The following HECW1 variants were observed in gnomAD, a reference collection of about 807,000 sequenced individuals.
The protein encoded by HECW1 is HECT, C2 and WW domain containing E3 ubiquitin protein ligase 1.
HECW1 carries 61 observed loss-of-function variants against 182.3 expected under a neutral mutation model. That is an observed-to-expected ratio of 0.33 (90% CI 0.27 to 0.41). The LOEUF is 0.41. Ranked by LOEUF, HECW1 falls within the 10% of genes least tolerant of loss-of-function variation. The pLI, the probability that HECW1 is intolerant of heterozygous loss-of-function variation, is 1.00. For missense variants in HECW1, 1,739 were observed against 2,108.9 expected (o/e 0.82, Z 3.44); for synonymous variants, 859 against 832.6 (o/e 1.03, Z -0.55).
chr7:43,287,653 T>A (rs1035986155), intron 3 of HECW1, among the ~76,000 whole-genome samples: 13 of 151,832 alleles, frequency 8.6e-5, no homozygotes, highest in Admixed American at 6.6e-4. Flanking sequence ...TTAGGTTTTT[T>A]AAAGGTTTCT....
chr7:43,113,223 C>T (rs1271847826), intron 1 of HECW1, among the ~76,000 whole-genome samples: 1 of 152,066 alleles, frequency 6.6e-6, no homozygotes, highest in Admixed American at 6.5e-5. Context: ...AGCCCCCAAG[C>T]GGGTTCGCAG....
chr7:43,217,686 G>A (rs1290691276), intron 2 of HECW1, among the ~76,000 whole-genome samples: 2 of 152,164 alleles, frequency 1.3e-5, no homozygotes, highest in Non-Finnish European at 2.9e-5. Flanking sequence ...GAGGGGCTTA[G>A]GCATCACTCC....
rs573331397 is a variant in HECW1, at chr7:43,327,543, C to G, written c.460+6801C>G. ...TTTCACCACACAATTAATTCCCCTC[C>G]CTGCTGTCCCTACCACCTAAACTTC... On this transcript the variant is annotated intron_variant, in intron 5 of 29. Coordinates refer to ENST00000395891, the MANE Select transcript of HECW1 (RefSeq NM_015052.5). Among the ~76,000 whole-genome samples, 6 of 152,298 alleles carry G rather than the reference C, an allele frequency of 3.9e-5. No individual in the cohort carries two copies. In the East Asian group the frequency reaches 1.2e-3, roughly 29 times the overall value.
intron 2 of HECW1, among the ~76,000 whole-genome samples, chr7:43,169,690 C>CTT (rs374141328): frequency 0.074 from 8,343 of 113,320 alleles, 364 homozygotes; most frequent in African/African-American, 0.13. Flanking sequence ...TTTTTCTTTT[C>CTT]TTTTTTTTTT....
chr7:43,535,516 C>T (rs2081148301), intron 24 of HECW1, among the ~76,000 whole-genome samples: 1 of 152,096 alleles, frequency 6.6e-6, no homozygotes. Flanking sequence ...AGTCCCAGTG[C>T]ACACTGGGTC....
intron 3 of HECW1, among the ~76,000 whole-genome samples, chr7:43,280,370 A>G (rs530201818): frequency 6.6e-6 from 1 of 152,314 alleles, no homozygotes; most frequent in Admixed American, 6.5e-5. Flanking sequence ...GATTTGGTCC[A>G]AATTTACTCT....
At chr7:43,319,260 G>A (rs891006570) in intron 4 of HECW1, among the ~76,000 whole-genome samples, 9 of 151,220 alleles carry the variant, frequency 6.0e-5, no homozygotes, top group East Asian at 5.9e-4. Flanking sequence ...GGTGGCGGGC[G>A]CCTGTAGTCC....
intron 5 of HECW1, among the ~76,000 whole-genome samples, chr7:43,335,695 CTTCCTTCCTTTCCT>C (rs1812033356): frequency 6.6e-6 from 1 of 152,046 alleles, no homozygotes; most frequent in Admixed American, 6.6e-5. Flanking sequence ...TTTTTCCTTC[CTTCCTTCCTTTCCT>C]TTCCTTCCTT....
At chr7:43,493,601 C>A (rs1176457795) in intron 19 of HECW1, among the ~76,000 whole-genome samples, 1 of 152,204 alleles carries the variant, frequency 6.6e-6, no homozygotes, top group Admixed American at 6.5e-5. Flanking sequence ...TGTGTTCTAA[C>A]TACTTACATC....
intron 8 of HECW1, among the ~76,000 whole-genome samples, chr7:43,434,187 A>G (rs1022099376): frequency 2.6e-5 from 4 of 152,250 alleles, no homozygotes; most frequent in Admixed American, 6.5e-5. Flanking sequence ...AAATAGGCCT[A>G]CAGATTACTA....
intron 6 of HECW1, among the ~76,000 whole-genome samples, chr7:43,376,304 C>T (rs1408789968): frequency 6.6e-6 from 1 of 152,062 alleles, no homozygotes; most frequent in Non-Finnish European, 1.5e-5. Flanking sequence ...CCCAACGAGC[C>T]TCAGGAACCT....
intron 23 of HECW1, 140 bp downstream of exon 23, chr7:43,508,271 G>A (rs1047242557): frequency 8.6e-6 from 5 of 581,200 alleles, no homozygotes; most frequent in African/African-American, 1.9e-5. Flanking sequence ...TCTCCCAGGA[G>A]GTCCTTCTTT....
At chr7:43,474,428 G>C (rs185980801) in intron 16 of HECW1, among the ~76,000 whole-genome samples, 1 of 152,094 alleles carries the variant, frequency 6.6e-6, no homozygotes, top group Non-Finnish European at 1.5e-5. Flanking sequence ...CAGCCTGAGC[G>C]ACAGAGCGAG....
intron 8 of HECW1, among the ~76,000 whole-genome samples, chr7:43,417,034 G>C (rs1371396695): frequency 6.6e-6 from 1 of 152,058 alleles, no homozygotes; most frequent in African/African-American, 2.4e-5. Context: ...GTTCCTATTC[G>C]GCCATCTTGG....
At chr7:43,332,050 A>G (rs558312444) in intron 5 of HECW1, among the ~76,000 whole-genome samples, 4 of 152,276 alleles carry the variant, frequency 2.6e-5, no homozygotes, top group South Asian at 2.1e-4. Flanking sequence ...CAAGATGGGA[A>G]CAAAGAGACA....
At chr7:43,535,352 C>T (rs2081139106) in intron 24 of HECW1, among the ~76,000 whole-genome samples, 1 of 152,190 alleles carries the variant, frequency 6.6e-6, no homozygotes, top group Non-Finnish European at 1.5e-5. Flanking sequence ...CATTAGCTCC[C>T]TTCAGATCTC....
chr7:43,526,351 G>A (rs948900728), intron 24 of HECW1, among the ~76,000 whole-genome samples: 2 of 152,204 alleles, frequency 1.3e-5, no homozygotes, highest in African/African-American at 2.4e-5. Flanking sequence ...ATGGGAGCAT[G>A]AGGGCCTTGT....
Position 43,407,618 on chromosome 7 carries a change from A to G in HECW1, c.688A>G (p.Lys230Glu). 1.9e-6 allele frequency: 3 copies of G among 1,613,944 alleles called. No individual in the cohort carries two copies. The highest frequency in any genetic ancestry group is 2.5e-6 in the Non-Finnish European group (3 of 1,179,860). ...GTTTTTCAACCCAGACCCTTATCTG[A>G]AGATTTCCATTCAGCCTGGGAAACA... ...GMFFNPDPYL[K>E]ISIQPGKHSI... is the part of the protein sequence containing the mutation. The change falls in exon 8 of 30, where the codon AAG becomes GAG. Residue 230 changes from lysine to glutamate, a missense_variant. Around this residue, in one of 5 missense-constraint regions of HECW1, gnomAD observed 279 missense variants for 353.1 expected, o/e 0.79. Transcript: ENST00000395891.
chr7:43,397,853 GATGCCTGACA>G (rs138705455), intron 7 of HECW1, among the ~76,000 whole-genome samples: 24,363 of 152,166 alleles, frequency 0.16, 2,565 homozygotes, highest in Non-Finnish European at 0.24. Context: ...CTTGGGCTCA[GATGCCTGACA>G]ACATCATATG....
Sources: allele counts gnomAD v4.1 joint callset (sites outside exome capture counted in the v4.1 genomes callset), GRCh38; gene constraint gnomAD v4.1.1; regional missense constraint gnomAD v4.1.1; transcripts MANE v1.5; gene names NCBI Gene and HGNC (gene_info 2026-07-23, HGNC 2026-07-21).